Variants in TMLHE observed in about 807,000 individuals in gnomAD.
TMLHE encodes the protein trimethyllysine hydroxylase, epsilon, also known as trimethyllysine dioxygenase, mitochondrial.
TMLHE carries 18 observed loss-of-function variants against 25.7 expected under a neutral mutation model. The observed-to-expected ratio is 0.70, with a 90% confidence interval of 0.48 to 1.04. The LOEUF is 1.04. Ranked by LOEUF, TMLHE falls within the 50% of genes least tolerant of loss-of-function variation. The pLI is 0.00. For synonymous variants in TMLHE, 105 were observed against 97.0 expected (o/e 1.08, Z -0.49); for missense variants, 236 against 259.0 (o/e 0.91, Z 0.61).
chrX:155,585,257 G>T (rs1397606862), intron 1 of TMLHE, among the ~76,000 whole-genome samples: 1 of 111,133 alleles, frequency 9.0e-6, no homozygotes, highest in Non-Finnish European at 1.9e-5. Context: ...ATAGACAAAG[G>T]GGGATAATGA....
chrX:155,591,069 A>T (rs1270610141), intron 1 of TMLHE, among the ~76,000 whole-genome samples: 2 of 111,870 alleles, frequency 1.8e-5, no homozygotes, highest in African/African-American at 6.5e-5. Context: ...CACTGTTATT[A>T]TACTAAATAG....
At chrX:155,548,893 C>G (rs1557339543) in intron 1 of TMLHE, among the ~76,000 whole-genome samples, 2 of 110,682 alleles carry the variant, frequency 1.8e-5, no homozygotes. Context: ...GAATTGTAAT[C>G]TAGTCACAGT....
chrX:155,567,816 G>T (rs1265818303), intron 1 of TMLHE, among the ~76,000 whole-genome samples: 2 of 61,621 alleles, frequency 3.2e-5, no homozygotes, highest in African/African-American at 7.2e-5. Flanking sequence ...ATTTGTAGAA[G>T]ATCACAATAA....
chrX:155,512,110 A>G (rs971063174), intron 4 of TMLHE, among the ~76,000 whole-genome samples: 2 of 111,269 alleles, frequency 1.8e-5, no homozygotes, highest in Non-Finnish European at 3.8e-5. Flanking sequence ...TTCTATGCTC[A>G]CCTTTCTTTC....
intron 1 of TMLHE, among the ~76,000 whole-genome samples, chrX:155,611,090 A>G (rs1484784412): frequency 8.9e-6 from 1 of 111,928 alleles, no homozygotes; most frequent in Non-Finnish European, 1.9e-5. Context: ...CTCACCTTTC[A>G]AACCATTTGG....
At chrX:155,585,810 G>A (rs2067660408) in intron 1 of TMLHE, among the ~76,000 whole-genome samples, 1 of 112,071 alleles carries the variant, frequency 8.9e-6, no homozygotes, top group Non-Finnish European at 1.9e-5. Flanking sequence ...TAGACCATAT[G>A]CTGGCTACAA....
intron 1 of TMLHE, among the ~76,000 whole-genome samples, chrX:155,597,467 G>A (rs1000767669): frequency 1.8e-5 from 2 of 111,225 alleles, no homozygotes; most frequent in Admixed American, 9.5e-5. Context: ...AACTAGAAAT[G>A]CCATTTGACT....
chrX:155,527,848 T>C (rs1279559777), intron 2 of TMLHE, among the ~76,000 whole-genome samples: 2 of 111,895 alleles, frequency 1.8e-5, no homozygotes, highest in East Asian at 5.5e-4. Flanking sequence ...TACCTTCTGT[T>C]CTGCAAACAA....
chrX:155,510,873 A>C (rs1199291642), intron 5 of TMLHE, among the ~76,000 whole-genome samples: 1 of 105,099 alleles, frequency 9.5e-6, no homozygotes, highest in Non-Finnish European at 2.0e-5. Flanking sequence ...CCAACAGTGT[A>C]AAAGTGTTCC....
chrX:155,505,821 A>G (rs1603010087), intron 6 of TMLHE, among the ~76,000 whole-genome samples: 1 of 111,903 alleles, frequency 8.9e-6, no homozygotes, highest in East Asian at 2.8e-4. Context: ...TCAAGAACAG[A>G]GCATGACTCT....
chrX:155,512,235 T>C (rs2124334346), intron 4 of TMLHE, among the ~76,000 whole-genome samples: 1 of 109,758 alleles, frequency 9.1e-6, no homozygotes, highest in Non-Finnish European at 1.9e-5. Context: ...GTTACATATG[T>C]ATACATGTGC....
rs1424141426 is a variant in TMLHE, at chrX:155,572,678, G to A, written c.-1-27401C>T. On this transcript the variant is annotated intron_variant, in intron 1 of 7. Transcript: ENST00000334398. ...ACAGAACACAGCCCTCAGAAATAACGCCGCATATCTATAACTATCTGATCT... is the reference window on the plus strand; with the variant it reads ...ACAGAACACAGCCCTCAGAAATAACACCGCATATCTATAACTATCTGATCT... Among the ~76,000 whole-genome samples, 10 of 55,891 alleles carry A rather than the reference G, an allele frequency of 1.8e-4. 3 individuals carry two copies. Among genetic ancestry groups the A allele is most frequent in the African/African-American group, 2.6e-4 (6 of 23,076 alleles). 48.5% of individuals were successfully genotyped at this position (55,891 alleles called of 115,157 possible).
intron 2 of TMLHE, among the ~76,000 whole-genome samples, chrX:155,532,969 T>G (rs2067257787): frequency 9.0e-6 from 1 of 111,595 alleles, no homozygotes; most frequent in South Asian, 3.7e-4. Context: ...AATGGTTAAC[T>G]CTATATGTCA....
At chrX:155,537,760 A>G (rs1418187913) in intron 2 of TMLHE, among the ~76,000 whole-genome samples, 1 of 110,898 alleles carries the variant, frequency 9.0e-6, no homozygotes, top group Non-Finnish European at 1.9e-5. Context: ...TTCTCTGACA[A>G]AGCCCCAACC....
At chrX:155,566,919 G>A (rs1172834010) in intron 1 of TMLHE, among the ~76,000 whole-genome samples, 1 of 62,055 alleles carries the variant, frequency 1.6e-5, no homozygotes, top group African/African-American at 3.6e-5. Flanking sequence ...GGCCAGTGAT[G>A]CATACTATTT....
chrX:155,505,102 T>G (rs1557332535), intron 6 of TMLHE, among the ~76,000 whole-genome samples: 1 of 111,923 alleles, frequency 8.9e-6, no homozygotes, highest in Non-Finnish European at 1.9e-5. Context: ...TATGTACTGA[T>G]ATCTGCAATG....
At chrX:155,548,555 G>A (rs1217633343) in intron 1 of TMLHE, among the ~76,000 whole-genome samples, 1 of 108,549 alleles carries the variant, frequency 9.2e-6, no homozygotes, top group Non-Finnish European at 1.9e-5. Flanking sequence ...CTAACATGGT[G>A]AAACCCTGTC....
chrX:155,507,061 C>A lies in TMLHE; in HGVS notation c.832G>T (p.Ala278Ser). 1 of 1,210,224 alleles carries A rather than the reference C, an allele frequency of 8.3e-7. No individual in the cohort carries two copies. The highest frequency in any genetic ancestry group is 1.1e-6 in the Non-Finnish European group (1 of 894,479). Residue 278 changes from alanine to serine, a missense_variant, in exon 6 of 8, where the codon GCA (alanine) becomes TCA (serine). Around this residue, in one of 2 missense-constraint regions of TMLHE, gnomAD observed 217 missense variants for 214.6 expected, o/e 1.01. Transcript: ENST00000334398. ...GGTGCCTTTTGAAGTACCTGTTCTG[C>A]TGCATAGAATCCATCTACTAGCAGT... ...RTLLVDGFYA[A>S]EQVLQKAPEE... is the part of the protein sequence containing the mutation.
intron 1 of TMLHE, among the ~76,000 whole-genome samples, chrX:155,573,966 T>C (rs2067574049): frequency 9.7e-6 from 1 of 103,364 alleles, no homozygotes; most frequent in Admixed American, 1.0e-4. Context: ...ACATGTACCC[T>C]AAAACTTAAA....
Sources: allele counts gnomAD v4.1 joint callset (sites outside exome capture counted in the v4.1 genomes callset), GRCh38; gene constraint gnomAD v4.1.1; regional missense constraint gnomAD v4.1.1; transcripts MANE v1.5; gene names NCBI Gene and HGNC (gene_info 2026-07-23, HGNC 2026-07-21).